Variants in FMO1 observed in about 807,000 individuals in gnomAD.
FMO1 encodes the protein flavin-containing monooxygenase 1.
FMO1 carries 36 observed loss-of-function variants against 45.4 expected under a neutral mutation model. The observed-to-expected ratio is 0.79, with a 90% CI of 0.61 to 1.05. The LOEUF (loss-of-function observed/expected upper bound fraction) is 1.05. Among genes scored for constraint, FMO1 ranks in the 50% least tolerant of loss-of-function variants. FMO1 has a pLI of 0.00. For missense variants in FMO1, 615 were observed against 640.3 expected (o/e 0.96, Z 0.43); for synonymous variants, 228 against 227.2 (o/e 1.00, Z -0.03).
chr1:171,275,289 G>T, intron 3 of FMO1, 57 bp from the exon 4 acceptor site: 2 of 1,377,776 alleles, frequency 1.5e-6, no homozygotes, highest in African/African-American at 1.4e-5. Context: ...ACATCAACTG[G>T]CAAGTGCTTA....
intron 1 of FMO1, among the ~76,000 whole-genome samples, chr1:171,252,864 G>A (rs1047653547): frequency 2.6e-5 from 4 of 152,194 alleles, no homozygotes; most frequent in African/African-American, 9.7e-5. Flanking sequence ...AGGAATATGA[G>A]TTTGTTTATT....
chr1:171,285,225 C>T lies in FMO1; in HGVS notation c.1280C>T (p.Ala427Val), dbSNP rs201065040. Reference sequence around the variant, plus strand: ...AGGTTTGGCTTGTGCTACTGCAAGGCTTTACAATCAGATTATATCACATAC... The same window carrying T: ...AGGTTTGGCTTGTGCTACTGCAAGGTTTTACAATCAGATTATATCACATAC... The part of the protein sequence containing the change: ...PSWFGLCYCK[A>V]LQSDYITYID... The change falls in exon 9 of 9, where the codon GCT becomes GTT. Residue 427 changes from alanine to valine, a missense_variant. Transcript: ENST00000617670. 15 of 1,608,644 alleles carry T rather than the reference C, an allele frequency of 9.3e-6. No homozygotes were observed. In the East Asian group the frequency reaches 3.4e-4, roughly 36 times the overall value.
At position 171,258,198 on chromosome 1, in the gene FMO1, T is replaced by C; in HGVS notation, c.111T>C (p.Leu37=). ...CCTGCTTTGAGAGGAGCGATGACCT[T>C]GGGGGGCTGTGGAGATTCACCGTAA... ...EPTCFERSDD[L]GGLWRFTEHV... The change falls in exon 2 of 9, where the codon CTT becomes CTC. Residue 37 remains leucine, a synonymous_variant. Coordinates refer to ENST00000617670, the MANE Select transcript of FMO1 (RefSeq NM_001282693.2). 1 of 1,614,064 alleles carries C rather than the reference T, an allele frequency of 6.2e-7. No individual in the cohort carries two copies. The highest frequency in any genetic ancestry group is 1.1e-5 in the South Asian group (1 of 91,072).
intron 8 of FMO1, among the ~76,000 whole-genome samples, chr1:171,284,229 T>C (rs1307905223): frequency 1.5e-4 from 23 of 151,670 alleles, no homozygotes; most frequent in Admixed American, 1.5e-3. Flanking sequence ...CTAAGGAACT[T>C]ATTATCACTC....
At chr1:171,272,172 C>A (rs918665558) in intron 3 of FMO1, among the ~76,000 whole-genome samples, 1 of 152,236 alleles carries the variant, frequency 6.6e-6, no homozygotes, top group Non-Finnish European at 1.5e-5. Context: ...CAGGCAGTGG[C>A]TTTAGAGGGT....
intron 3 of FMO1, among the ~76,000 whole-genome samples, chr1:171,270,322 CAACTT>C (rs1463890327): frequency 2.0e-5 from 3 of 152,162 alleles, no homozygotes; most frequent in Non-Finnish European, 4.4e-5. Context: ...AAAACTATCT[CAACTT>C]AACTTTACCC....
chr1:171,277,748 T>C (rs1339005000), intron 4 of FMO1, among the ~76,000 whole-genome samples: 2 of 152,196 alleles, frequency 1.3e-5, no homozygotes, highest in Non-Finnish European at 2.9e-5. Flanking sequence ...GTTGCATCCT[T>C]GCTAAATTCC....
rs1035401554 is a variant in FMO1, at chr1:171,285,457, A to G, written c.1512A>G (p.Val504=). The change falls in exon 9 of 9, where the codon GTA becomes GTG. Residue 504 remains valine (V), a synonymous_variant. Coordinates refer to ENST00000617670, the MANE Select transcript of FMO1 (RefSeq NM_001282693.2). ...TCAAGGTCATCAAAGCTCGAGTTGT[A>G]CAAGAGTCTCCATCTCCCTTTGAAA... ...RTFKVIKARV[V]QESPSPFESF... 2.5e-6 allele frequency: 4 copies of G among 1,573,386 alleles called. No individual in the cohort carries two copies. The African/African-American group carries it at 5.5e-5, about 22-fold the overall frequency.
intron 4 of FMO1, among the ~76,000 whole-genome samples, chr1:171,277,713 T>C (rs1285321390): frequency 2.0e-5 from 3 of 152,214 alleles, no homozygotes; most frequent in Non-Finnish European, 4.4e-5. Context: ...ATTGGGTTCC[T>C]GTGCTGAGTA....
At chr1:171,257,769 C>T in intron 1 of FMO1, 1 of 363,616 alleles carries the variant, frequency 2.8e-6, no homozygotes, top group East Asian at 6.9e-5. Context: ...CTAGAGGCAG[C>T]AGCTCAGTCT....
intron 1 of FMO1, among the ~76,000 whole-genome samples, chr1:171,253,527 C>T (rs12083829): frequency 0.016 from 2,428 of 151,932 alleles, 63 homozygotes; most frequent in African/African-American, 0.056. Flanking sequence ...TAAGGGAGGC[C>T]GAGGCGGGTG....
chr1:171,284,592 T>A (rs1296911965), intron 8 of FMO1, among the ~76,000 whole-genome samples: 2 of 151,776 alleles, frequency 1.3e-5, no homozygotes, highest in East Asian at 3.9e-4. Context: ...ATAAAAGTTA[T>A]TTAGGCATGG....
rs1660676150 is a variant in FMO1 at position 171,267,719 on chromosome 1, C to T, written c.309C>T (p.His103=). The part of the protein sequence containing the change: ...MYANHFDLLK[H]IQFKTKVCSV... Reference sequence around the variant, plus strand: ...CAAACCACTTTGACCTTCTGAAACACATTCAATTCAAGGTAAGACACAAAA... The same window carrying T: ...CAAACCACTTTGACCTTCTGAAACATATTCAATTCAAGGTAAGACACAAAA... Residue 103 remains histidine (H), a synonymous_variant, in exon 3 of 9, where the codon CAC becomes CAT. Transcript: ENST00000617670. 6.2e-7 allele frequency: 1 copy of T among 1,608,052 alleles called. No homozygotes were observed. Among genetic ancestry groups the T allele is most frequent in the Non-Finnish European group, 8.5e-7 (1 of 1,177,198 alleles).
chr1:171,265,410 A>G (rs1660576657), intron 2 of FMO1, among the ~76,000 whole-genome samples: 1 of 150,410 alleles, frequency 6.6e-6, no homozygotes, highest in African/African-American at 2.5e-5. Context: ...AAAATAAAAA[A>G]GAAAAAGAAA....
rs1421090645 is a variant in FMO1, at chr1:171,285,188, T to C, written c.1257-14T>C. On this transcript the variant is annotated splice_polypyrimidine_tract_variant and intron_variant, in intron 8 of 8. Transcript: ENST00000617670. ...TTTGTCTTCACCTTTTCCCCCAATC[T>C]TCCTTTTATAAAGGTTTGGCTTGTG... 1 of 1,518,364 alleles carries C rather than the reference T, an allele frequency of 6.6e-7. No homozygotes were observed. Among genetic ancestry groups the C allele is most frequent in the Non-Finnish European group, 8.9e-7 (1 of 1,125,992 alleles). The allele number at this position is 1,518,364 out of a possible 1,614,324, so 94.1% of individuals were successfully genotyped here.
At chr1:171,274,797 T>C (rs1661035955) in intron 3 of FMO1, among the ~76,000 whole-genome samples, 1 of 152,196 alleles carries the variant, frequency 6.6e-6, no homozygotes, top group Admixed American at 6.5e-5. Flanking sequence ...ATGTACTCAC[T>C]AAGAGCAAAA....
chr1:171,271,268 C>T (rs1571347246), intron 3 of FMO1: 1 of 1,162,040 alleles, frequency 8.6e-7, no homozygotes, highest in South Asian at 1.4e-5. Flanking sequence ...GGGTGATACT[C>T]AGAGCAGAAC....
chr1:171,271,666 A>G (rs533086750), intron 3 of FMO1: 14 of 675,090 alleles, frequency 2.1e-5, no homozygotes, highest in Middle Eastern at 4.2e-4. Flanking sequence ...TGCTGTCTCT[A>G]TGGAGCTCAA....
intron 8 of FMO1, among the ~76,000 whole-genome samples, chr1:171,284,572 T>C (rs958016538): frequency 4.6e-5 from 7 of 151,644 alleles, no homozygotes; most frequent in African/African-American, 1.5e-4. Flanking sequence ...CCCCCATCCC[T>C]ACAAAAAAAA....
Sources: allele counts gnomAD v4.1 joint callset (sites outside exome capture counted in the v4.1 genomes callset), GRCh38; gene constraint gnomAD v4.1.1; transcripts MANE v1.5; gene names NCBI Gene and HGNC (gene_info 2026-07-23, HGNC 2026-07-21).